ZNF469: variants seen among roughly 807,000 people sequenced by gnomAD.
ZNF469 encodes zinc finger protein 469.
ZNF469 carries 1 observed loss-of-function variant against 1.0 expected under a neutral mutation model. The observed-to-expected ratio is 1.00, with a 90% CI of 0.35 to 4.73. The LOEUF (loss-of-function observed/expected upper bound fraction) is 4.73. Ranked by LOEUF, ZNF469 falls within the 30% of genes most tolerant of loss-of-function variation. The pLI, the probability that ZNF469 is intolerant of heterozygous loss-of-function variation, is 0.16. For synonymous variants in ZNF469, 2,703 were observed against 2,363.4 expected, an observed-to-expected ratio of 1.14 and a Z score of -4.17; for missense variants, 6,100 against 5,356.3, an observed-to-expected ratio of 1.14 and a Z score of -4.33.
upstream of ZNF469, among the ~76,000 whole-genome samples, chr16:88,378,097 G>T (rs530547365): frequency 1.3e-5 from 2 of 152,034 alleles, no homozygotes; most frequent in Non-Finnish European, 2.9e-5. Flanking sequence ...CCAGTTCACC[G>T]CCAGGGAGTG....
the ZNF469 span, among the ~76,000 whole-genome samples, chr16:88,296,165 C>T: frequency 6.6e-6 from 1 of 152,156 alleles, no homozygotes; most frequent in Non-Finnish European, 1.5e-5. Flanking sequence ...GACCCTGATG[C>T]ATTGCAACAG....
chr16:88,355,664 G>A, the ZNF469 span, among the ~76,000 whole-genome samples: 2 of 152,326 alleles, frequency 1.3e-5, no homozygotes, highest in East Asian at 1.9e-4. Flanking sequence ...AGGACCCGCA[G>A]GAAGCCCAGG....
the ZNF469 span, among the ~76,000 whole-genome samples, chr16:88,314,379 G>C: frequency 7.1e-6 from 1 of 141,516 alleles, no homozygotes; most frequent in South Asian, 2.5e-4. Context: ...GATGATGCTG[G>C]TGTAGAATAT....
At position 88,438,688 on chromosome 16, in the gene ZNF469, C is replaced by T. The variant is rs2142317242; in HGVS notation, c.11218C>T (p.Pro3740Ser). The T allele has an allele frequency of 6.5e-7, 1 of 1,550,052 alleles. No individual in the cohort carries two copies. Among genetic ancestry groups the T allele is most frequent in the East Asian group, 2.4e-5 (1 of 40,888 alleles). The change falls in exon 3 of 3, where the codon CCC (proline) becomes TCC (serine). Residue 3740 changes from proline to serine, a missense_variant. By Grantham distance (74) the Pro-to-Ser change is moderately conservative (BLOSUM62 -1). Coordinates refer to ENST00000565624, the MANE Select transcript of ZNF469 (RefSeq NM_001367624.2). ...CTCCCAGGGCAGTGGAAGCCCTCGC[C>T]CCGGCACCAAGACAGGAGGTGGCAG... ...PSSQGSGSPR[P>S]GTKTGGGSQP...
chr16:88,381,089 C>A (rs535331952), upstream of ZNF469, among the ~76,000 whole-genome samples: 146 of 147,930 alleles, frequency 9.9e-4, no homozygotes, highest in African/African-American at 3.7e-3. Context: ...CACACACGCA[C>A]TCACACACCC....
In ZNF469 at chr16:88,439,257, T is replaced by C. The variant is rs1174280170; in HGVS notation, c.11787T>C (p.Ser3929=). 3 of 1,550,456 alleles carry C rather than the reference T, an allele frequency of 1.9e-6. No homozygotes were observed. Among genetic ancestry groups the C allele is most frequent in the Non-Finnish European group, 2.6e-6 (3 of 1,146,998 alleles). ...CCCACCGGACGGCCGAGGCCCAGAGTGACCTCCTCAGCCAGCTCTTCGGGC... is the reference window on the plus strand; with the variant it reads ...CCCACCGGACGGCCGAGGCCCAGAGCGACCTCCTCAGCCAGCTCTTCGGGC... ...PHTHRTAEAQ[S]DLLSQLFGQR... is the part of the protein sequence containing the mutation. The change falls in exon 3 of 3, where the codon AGT becomes AGC. Residue 3929 remains serine, a synonymous_variant. Coordinates refer to ENST00000565624, the MANE Select transcript of ZNF469 (RefSeq NM_001367624.2).
At chr16:88,184,652 C>T in the ZNF469 span, among the ~76,000 whole-genome samples, 4 of 152,034 alleles carry the variant, frequency 2.6e-5, no homozygotes, top group African/African-American at 9.7e-5. Flanking sequence ...GCTGTCGCCG[C>T]AAAGCAGAAC....
the ZNF469 span, among the ~76,000 whole-genome samples, chr16:88,314,111 C>A: frequency 4.4e-5 from 6 of 136,978 alleles, no homozygotes; most frequent in East Asian, 1.3e-3. Context: ...TGTGGACTGT[C>A]ATCTCTGTAA....
the ZNF469 span, among the ~76,000 whole-genome samples, chr16:88,151,114 T>A: frequency 6.6e-6 from 1 of 152,070 alleles, no homozygotes; most frequent in East Asian, 1.9e-4. The surrounding 1 kb of genome is among the most constrained non-coding windows in gnomAD (Gnocchi z 5.4). Context: ...GGGACCTCAG[T>A]GAGCTCCTCT....
chr16:88,231,300 G>C, the ZNF469 span, among the ~76,000 whole-genome samples: 51 of 152,310 alleles, frequency 3.3e-4, no homozygotes, highest in African/African-American at 1.2e-3. The surrounding 1 kb of genome is among the most constrained non-coding windows in gnomAD (Gnocchi z 4.5). Flanking sequence ...GGTTTGGGCG[G>C]GGCTCAGGGA....
upstream of ZNF469, among the ~76,000 whole-genome samples, chr16:88,379,466 G>A (rs1478908671): frequency 6.6e-6 from 1 of 152,100 alleles, no homozygotes; most frequent in East Asian, 1.9e-4. Context: ...GCTCTCTGAT[G>A]GCTTTGAGGG....
the ZNF469 span, among the ~76,000 whole-genome samples, chr16:88,241,741 C>G: frequency 6.6e-6 from 1 of 152,162 alleles, no homozygotes; most frequent in Non-Finnish European, 1.5e-5. This position sits in a 1 kb window ranked among gnomAD's most constrained non-coding sequence, Gnocchi z 4.8. Flanking sequence ...GAGAAGGATG[C>G]CATGTCTGAG....
At chr16:88,341,094 A>G in the ZNF469 span, among the ~76,000 whole-genome samples, 33,584 of 152,098 alleles carry the variant, frequency 0.22, 4,723 homozygotes, top group African/African-American at 0.4. Context: ...GTGAAGGTCC[A>G]GTAGCAAATC....
At chr16:88,283,344 A>C in the ZNF469 span, among the ~76,000 whole-genome samples, 18 of 152,076 alleles carry the variant, frequency 1.2e-4, no homozygotes, top group Non-Finnish European at 2.4e-4. Context: ...TGGTTAACGC[A>C]GTACACCCTG....
chr16:88,230,291 G>A, the ZNF469 span, among the ~76,000 whole-genome samples: 11 of 152,106 alleles, frequency 7.2e-5, no homozygotes, highest in Admixed American at 2.6e-4. Context: ...CGAGGCTGCC[G>A]TCTGCTGTCT....
chr16:88,179,651 T>G, the ZNF469 span, among the ~76,000 whole-genome samples: 3 of 152,218 alleles, frequency 2.0e-5, no homozygotes, highest in Non-Finnish European at 4.4e-5. Context: ...GTCTGCCTTT[T>G]ACCAGGAACC....
chr16:88,155,142 G>A, the ZNF469 span, among the ~76,000 whole-genome samples: 3 of 152,212 alleles, frequency 2.0e-5, no homozygotes, highest in Admixed American at 6.5e-5. Context: ...GTGAGGAGAT[G>A]CAGAGCTGGG....
At chr16:88,412,723 G>C (rs1167293252) in intron 1 of ZNF469, among the ~76,000 whole-genome samples, 1 of 152,182 alleles carries the variant, frequency 6.6e-6, no homozygotes, top group African/African-American at 2.4e-5. Flanking sequence ...ACCTCGTCAG[G>C]GCGGGGACAG....
the ZNF469 span, among the ~76,000 whole-genome samples, chr16:88,116,207 A>G: frequency 2.6e-5 from 4 of 152,238 alleles, no homozygotes; most frequent in East Asian, 1.9e-4. Context: ...CAGACGGCCA[A>G]TCAGGGCATG....
Sources: gnomAD v4.1 joint callset for allele counts (sites outside exome capture counted in the v4.1 genomes callset) on GRCh38, gnomAD v4.1.1 for gene constraint, Gnocchi (gnomAD v3.1) non-coding constraint, MANE v1.5 for transcripts, NCBI Gene and HGNC (gene_info 2026-07-23, HGNC 2026-07-21) for gene names.